The following ALDH1A2 variants were observed in gnomAD, a reference collection of about 807,000 sequenced individuals.
The protein encoded by ALDH1A2 is retinal dehydrogenase 2.
Under a neutral mutation model 60.3 loss-of-function variants are expected in ALDH1A2, and 27 were observed. That is an observed-to-expected ratio of 0.45 (90% CI 0.33 to 0.62). The LOEUF (loss-of-function observed/expected upper bound fraction) is 0.62. ALDH1A2 is among the 20% of genes least tolerant of loss of function. ALDH1A2 has a pLI of 0.02. For missense variants in ALDH1A2, 581 were observed against 643.8 expected (o/e 0.90, Z 1.06); for synonymous variants, 289 against 232.4 (o/e 1.24, Z -2.21).
intron 4 of ALDH1A2, among the ~76,000 whole-genome samples, chr15:57,998,453 T>G (rs1442701900): frequency 3.3e-5 from 5 of 151,952 alleles, no homozygotes; most frequent in Admixed American, 6.6e-5. Flanking sequence ...CATTCATAAT[T>G]GATACAAACA....
At chr15:58,037,707 T>A (rs180698179) in intron 1 of ALDH1A2, among the ~76,000 whole-genome samples, 17 of 151,694 alleles carry the variant, frequency 1.1e-4, no homozygotes, top group South Asian at 2.1e-4. Flanking sequence ...TCAGAAGAAA[T>A]TGTACTGTCT....
intron 7 of ALDH1A2, among the ~76,000 whole-genome samples, chr15:57,966,226 A>G (rs4646618): frequency 0.056 from 8,596 of 152,304 alleles, 297 homozygotes; most frequent in East Asian, 0.12. Flanking sequence ...TCATGAGGAT[A>G]AAACAAATTG....
intron 1 of ALDH1A2, among the ~76,000 whole-genome samples, chr15:58,028,978 T>C (rs185012313): frequency 6.6e-6 from 1 of 152,254 alleles, no homozygotes; most frequent in East Asian, 1.9e-4. Flanking sequence ...ACTGTCAATA[T>C]TAGATACATC....
chr15:57,984,776 A>G (rs1894640791), intron 7 of ALDH1A2, among the ~76,000 whole-genome samples: 1 of 152,256 alleles, frequency 6.6e-6, no homozygotes, highest in Non-Finnish European at 1.5e-5. Flanking sequence ...TGGACATTTG[A>G]GTTGTTTCCA....
At chr15:58,054,582 C>G (rs1896850846) in intron 1 of ALDH1A2, among the ~76,000 whole-genome samples, 1 of 152,114 alleles carries the variant, frequency 6.6e-6, no homozygotes, top group Admixed American at 6.6e-5. Flanking sequence ...CCACCCAACT[C>G]TTTCTGGCAA....
At chr15:58,021,530 C>T (rs865901707) in intron 1 of ALDH1A2, among the ~76,000 whole-genome samples, 23 of 152,146 alleles carry the variant, frequency 1.5e-4, no homozygotes, top group Non-Finnish European at 3.1e-4. Flanking sequence ...CTCAATCCTC[C>T]CAAGCCCCGA....
chr15:58,049,325 G>A (rs1394892783), intron 1 of ALDH1A2, among the ~76,000 whole-genome samples: 1 of 152,062 alleles, frequency 6.6e-6, no homozygotes, highest in Non-Finnish European at 1.5e-5. Flanking sequence ...TGACTTAGAT[G>A]TGTCATTTAA....
At chr15:58,053,288 G>C (rs1896821036) in intron 1 of ALDH1A2, among the ~76,000 whole-genome samples, 1 of 152,056 alleles carries the variant, frequency 6.6e-6, no homozygotes, top group Non-Finnish European at 1.5e-5. Context: ...GAAAATGACA[G>C]CAGAAATACT....
At chr15:57,998,534 T>C (rs1468249906) in intron 4 of ALDH1A2, among the ~76,000 whole-genome samples, 1 of 151,972 alleles carries the variant, frequency 6.6e-6, no homozygotes, top group Non-Finnish European at 1.5e-5. Flanking sequence ...TAAAAACCAC[T>C]AATCAGGGAA....
chr15:58,031,799 A>C (rs1011906012), intron 1 of ALDH1A2, among the ~76,000 whole-genome samples: 7 of 152,220 alleles, frequency 4.6e-5, no homozygotes, highest in African/African-American at 1.7e-4. Flanking sequence ...TCAAAACCAC[A>C]ATGAGATACC....
chr15:58,034,456 C>T (rs1422097146), intron 1 of ALDH1A2, among the ~76,000 whole-genome samples: 1 of 151,482 alleles, frequency 6.6e-6, no homozygotes, highest in Non-Finnish European at 1.5e-5. Flanking sequence ...AGTCTGTATA[C>T]ATTTTCTTTT....
chr15:58,041,893 A>G (rs1896526326), intron 1 of ALDH1A2, among the ~76,000 whole-genome samples: 1 of 151,976 alleles, frequency 6.6e-6, no homozygotes, highest in African/African-American at 2.4e-5. Flanking sequence ...TAAGAGATTA[A>G]CAACTAGTAA....
intron 1 of ALDH1A2, among the ~76,000 whole-genome samples, chr15:58,037,875 TA>T (rs1896417312): frequency 6.6e-6 from 1 of 151,796 alleles, no homozygotes; most frequent in African/African-American, 2.4e-5. Flanking sequence ...AGGACTTTGA[TA>T]TCAGTTGAAC....
At chr15:58,025,431 G>T (rs1010211069) in intron 1 of ALDH1A2, among the ~76,000 whole-genome samples, 1 of 152,068 alleles carries the variant, frequency 6.6e-6, no homozygotes, top group Admixed American at 6.5e-5. Context: ...ATACATTCCT[G>T]GAAACATATA....
intron 1 of ALDH1A2, among the ~76,000 whole-genome samples, chr15:58,060,769 C>T (rs1250967210): frequency 6.6e-6 from 1 of 152,104 alleles, no homozygotes; most frequent in Non-Finnish European, 1.5e-5. Context: ...ATTTATAAAA[C>T]CAGGCAGACA....
chr15:57,973,483 T>C (rs772202591), intron 7 of ALDH1A2, among the ~76,000 whole-genome samples: 3 of 152,202 alleles, frequency 2.0e-5, no homozygotes, highest in Non-Finnish European at 4.4e-5. Flanking sequence ...CTAATCCATA[T>C]TTAAGTGACA....
At chr15:58,022,237 G>T (rs1228149535) in intron 1 of ALDH1A2, among the ~76,000 whole-genome samples, 1 of 152,098 alleles carries the variant, frequency 6.6e-6, no homozygotes, top group Non-Finnish European at 1.5e-5. Flanking sequence ...TGAGGTCCTG[G>T]AGATTGCCCA....
intron 4 of ALDH1A2, among the ~76,000 whole-genome samples, chr15:58,010,375 C>T (rs566048544): frequency 8.7e-4 from 133 of 152,230 alleles, no homozygotes; most frequent in Non-Finnish European, 1.5e-3. Flanking sequence ...TAATCTAGCA[C>T]AATGCTGACC....
At chr15:57,999,123 T>C (rs1353279653) in intron 4 of ALDH1A2, among the ~76,000 whole-genome samples, 2 of 152,122 alleles carry the variant, frequency 1.3e-5, no homozygotes, top group African/African-American at 4.8e-5. Context: ...GGCAATACCA[T>C]TCAGGACATG....
Sources: gnomAD v4.1 joint callset for allele counts (sites outside exome capture counted in the v4.1 genomes callset) on GRCh38, gnomAD v4.1.1 for gene constraint, MANE v1.5 for transcripts, NCBI Gene and HGNC (gene_info 2026-07-23, HGNC 2026-07-21) for gene names.